Variants in CTNNA3 observed in about 807,000 individuals in gnomAD.
The protein encoded by CTNNA3 is catenin alpha 3, also known as catenin alpha-3.
A neutral mutation model predicts 95.7 loss-of-function variants in CTNNA3; 76 were observed. The observed-to-expected ratio is 0.79, with a 90% CI of 0.66 to 0.96. The LOEUF (loss-of-function observed/expected upper bound fraction) is 0.96, where lower values mean the gene tolerates loss of function less well. CTNNA3 is among the 40% of genes least tolerant of loss of function. CTNNA3 has a pLI of 0.00. For synonymous variants in CTNNA3, 431 were observed against 374.4 expected (o/e 1.15, Z -1.74); for missense variants, 1,191 against 1,089.8 (o/e 1.09, Z -1.31).
chr10:66,309,685 C>CAAAAAAAAAAAAAAAAAAAA (rs60400266), intron 12 of CTNNA3, among the ~76,000 whole-genome samples: 2 of 41,770 alleles, frequency 4.8e-5, no homozygotes, highest in Admixed American at 4.0e-4. Flanking sequence ...GACTCCGTCT[C>CAAAAAAAAAAAAAAAAAAAA]AAAAAAAAAA....
intron 5 of CTNNA3, among the ~76,000 whole-genome samples, chr10:67,445,436 CAAGAA>C (rs1048067115): frequency 4.6e-5 from 7 of 151,238 alleles, no homozygotes; most frequent in East Asian, 1.9e-4. Context: ...ATAAGAAACA[CAAGAA>C]AAGAAAAGAG....
At chr10:66,197,557 AG>A (rs1384508266) in intron 13 of CTNNA3, among the ~76,000 whole-genome samples, 2 of 152,218 alleles carry the variant, frequency 1.3e-5, no homozygotes, top group Non-Finnish European at 2.9e-5. Flanking sequence ...CTGCAAAAAA[AG>A]TATACTCTAT....
At chr10:66,865,318 T>A (rs188899567) in intron 7 of CTNNA3, among the ~76,000 whole-genome samples, 2 of 152,016 alleles carry the variant, frequency 1.3e-5, no homozygotes, top group African/African-American at 4.8e-5. Flanking sequence ...AGCTACATAG[T>A]AGAAATACGG....
chr10:67,170,863 A>C (rs1589819218), intron 7 of CTNNA3, among the ~76,000 whole-genome samples: 1 of 152,208 alleles, frequency 6.6e-6, no homozygotes, highest in East Asian at 1.9e-4. Context: ...ACATGTCGCT[A>C]TTGAACACGA....
intron 5 of CTNNA3, among the ~76,000 whole-genome samples, chr10:67,325,575 T>C (rs1034841671): frequency 2.6e-5 from 4 of 152,222 alleles, no homozygotes; most frequent in African/African-American, 9.6e-5. Flanking sequence ...TCTCATTTTA[T>C]TACACTATAG....
intron 9 of CTNNA3, among the ~76,000 whole-genome samples, chr10:66,650,773 C>T (rs1845867018): frequency 6.6e-6 from 1 of 152,038 alleles, no homozygotes; most frequent in Non-Finnish European, 1.5e-5. Flanking sequence ...GTTGTTCATC[C>T]CTCCTGGTGG....
intron 12 of CTNNA3, among the ~76,000 whole-genome samples, chr10:66,364,602 T>A (rs2092698775): frequency 6.6e-6 from 1 of 152,138 alleles, no homozygotes; most frequent in African/African-American, 2.4e-5. Context: ...AAATAGCAAA[T>A]AAATTAATGC....
chr10:67,588,377 G>A (rs546026998), intron 3 of CTNNA3, among the ~76,000 whole-genome samples: 1 of 152,182 alleles, frequency 6.6e-6, no homozygotes, highest in African/African-American at 2.4e-5. Context: ...TCCTGAAGCT[G>A]TGTCTCTGGT....
At chr10:67,128,002 A>G (rs1859804593) in intron 7 of CTNNA3, among the ~76,000 whole-genome samples, 1 of 152,094 alleles carries the variant, frequency 6.6e-6, no homozygotes, top group African/African-American at 2.4e-5. Flanking sequence ...CATGTCCTCA[A>G]CTTAGCAAAT....
At chr10:66,125,289 T>C (rs1189338471) in intron 13 of CTNNA3, among the ~76,000 whole-genome samples, 1 of 152,132 alleles carries the variant, frequency 6.6e-6, no homozygotes, top group African/African-American at 2.4e-5. Context: ...GATTGTAGCA[T>C]TGAGGTAAAT....
At chr10:66,899,771 C>T (rs909712694) in intron 7 of CTNNA3, among the ~76,000 whole-genome samples, 7 of 152,080 alleles carry the variant, frequency 4.6e-5, no homozygotes, top group African/African-American at 1.7e-4. Context: ...CTGAGATCAA[C>T]CTGCCAGGCT....
At chr10:67,299,029 G>T (rs1006181217) in intron 5 of CTNNA3, among the ~76,000 whole-genome samples, 7 of 152,032 alleles carry the variant, frequency 4.6e-5, no homozygotes. Flanking sequence ...CTCCCAAGTA[G>T]CTGGGACTAC....
intron 7 of CTNNA3, among the ~76,000 whole-genome samples, chr10:67,093,602 C>T (rs893460147): frequency 2.0e-5 from 3 of 151,798 alleles, no homozygotes; most frequent in African/African-American, 7.2e-5. Flanking sequence ...CTGGTAGCCT[C>T]TCCATTACTA....
intron 13 of CTNNA3, among the ~76,000 whole-genome samples, chr10:66,273,664 A>C (rs2091329363): frequency 6.6e-6 from 1 of 152,222 alleles, no homozygotes; most frequent in Non-Finnish European, 1.5e-5. Context: ...AAATATCAAA[A>C]GGAATGTAAA....
chr10:66,885,511 C>G (rs1419962393), intron 7 of CTNNA3, among the ~76,000 whole-genome samples: 1 of 152,052 alleles, frequency 6.6e-6, no homozygotes, highest in East Asian at 1.9e-4. Flanking sequence ...ATTCAGAACT[C>G]AAGTCCCCAC....
chr10:66,807,820 T>C (rs755612926), intron 7 of CTNNA3, among the ~76,000 whole-genome samples: 1 of 152,170 alleles, frequency 6.6e-6, no homozygotes, highest in Non-Finnish European at 1.5e-5. Flanking sequence ...TTTTATATCA[T>C]CTGATAAGCT....
At chr10:66,765,829 G>A (rs1455420410) in intron 9 of CTNNA3, among the ~76,000 whole-genome samples, 4 of 152,006 alleles carry the variant, frequency 2.6e-5, no homozygotes, top group Non-Finnish European at 5.9e-5. Flanking sequence ...ACTTATTCCT[G>A]GATATCTCTA....
intron 13 of CTNNA3, among the ~76,000 whole-genome samples, chr10:66,172,171 T>C (rs2085465050): frequency 6.6e-6 from 1 of 152,180 alleles, no homozygotes; most frequent in African/African-American, 2.4e-5. Context: ...AAAGTTTAAG[T>C]ATATGACCAA....
In CTNNA3 at chr10:66,115,524, T is replaced by TGATAGATA. The variant is rs71035110; in HGVS notation, c.1885-12283_1885-12276dup. On this transcript the variant is annotated intron_variant, in intron 13 of 17. Transcript: ENST00000433211. ...TGGGGAATATAGATAGATAGATAGATGATAGATAGATAGATAGATAGATAG... is the reference window on the plus strand; with the variant it reads ...TGGGGAATATAGATAGATAGATAGATGATAGATAGATAGATAGATAGATAGATAGATAG... Among the ~76,000 whole-genome samples, 556 of 137,568 alleles carry TGATAGATA rather than the reference T, an allele frequency of 4.0e-3. 2 individuals carry two copies. The highest frequency in any genetic ancestry group is 6.6e-3 in the South Asian group (27 of 4,108). 90.2% of individuals were successfully genotyped at this position (137,568 alleles called of 152,430 possible).
Sources: gnomAD v4.1 joint callset for allele counts (sites outside exome capture counted in the v4.1 genomes callset) on GRCh38, gnomAD v4.1.1 for gene constraint, MANE v1.5 for transcripts, NCBI Gene and HGNC (gene_info 2026-07-23, HGNC 2026-07-21) for gene names.